Variants in GLIS3 observed in about 807,000 individuals in gnomAD.
The protein encoded by GLIS3 is zinc finger protein GLIS3.
A neutral mutation model predicts 78.6 loss-of-function variants in GLIS3; 53 were observed. The ratio of observed to expected loss-of-function variants is 0.67; its 90% CI spans 0.54 to 0.85. GLIS3 has a LOEUF of 0.85. GLIS3 is among the 40% of genes least tolerant of loss of function. GLIS3 has a pLI of 0.00. For missense variants in GLIS3, 1,703 were observed against 1,231.1 expected (o/e 1.38, Z -5.74); for synonymous variants, 684 against 509.9 (o/e 1.34, Z -4.60).
chr9:4,135,506 A>T (rs1173090577), intron 2 of GLIS3, among the ~76,000 whole-genome samples: 1 of 152,206 alleles, frequency 6.6e-6, no homozygotes, highest in Non-Finnish European at 1.5e-5. Context: ...TTGACAAAGA[A>T]TAATGTCTCT....
chr9:4,332,250 G>C (rs568345279), intron 2 of GLIS3, among the ~76,000 whole-genome samples: 2 of 152,284 alleles, frequency 1.3e-5, no homozygotes, highest in South Asian at 4.1e-4. Context: ...AACATTCACT[G>C]ATAGCGCCTT....
chr9:3,998,736 T>G (rs72685681), intron 4 of GLIS3, among the ~76,000 whole-genome samples: 5,455 of 149,782 alleles, frequency 0.036, 132 homozygotes, highest in Non-Finnish European at 0.06. Flanking sequence ...TTTTTATCCT[T>G]TATGGTTTTA....
At chr9:3,882,057 T>C (rs1311105101) in intron 7 of GLIS3, among the ~76,000 whole-genome samples, 2 of 152,246 alleles carry the variant, frequency 1.3e-5, no homozygotes, top group African/African-American at 4.8e-5. Context: ...TTCTTTTTAT[T>C]CTTCTCTTAG....
intron 2 of GLIS3, among the ~76,000 whole-genome samples, chr9:4,220,705 T>C (rs1587022854): frequency 1.3e-5 from 2 of 150,642 alleles, no homozygotes; most frequent in South Asian, 4.2e-4. Flanking sequence ...GGCCAGCCAG[T>C]GCAACATAAG....
intron 1 of GLIS3, among the ~76,000 whole-genome samples, chr9:4,292,501 ACAGT>A (rs371001969): frequency 1.4e-3 from 210 of 152,304 alleles, no homozygotes; most frequent in African/African-American, 3.1e-3. Context: ...ACAGAGTTGA[ACAGT>A]CAAAGTAAAA....
the GLIS3 span, among the ~76,000 whole-genome samples, chr9:4,478,750 C>G: frequency 3.0e-4 from 46 of 152,174 alleles, 1 homozygote; most frequent in Middle Eastern, 0.021. Flanking sequence ...ATAGTTGATT[C>G]CAGAAAATAT....
At chr9:4,327,082 G>C (rs1043526371) in intron 2 of GLIS3, among the ~76,000 whole-genome samples, 1 of 152,228 alleles carries the variant, frequency 6.6e-6, no homozygotes, top group South Asian at 2.1e-4. Context: ...TGTGATCTGT[G>C]TTAAGGAGGT....
chr9:3,852,092 C>T (rs866692152), intron 9 of GLIS3, among the ~76,000 whole-genome samples: 7 of 151,722 alleles, frequency 4.6e-5, no homozygotes, highest in African/African-American at 1.7e-4. Flanking sequence ...TTGCAGTGAG[C>T]CAAGAACGTG....
At chr9:4,149,865 T>C (rs888618903) in intron 2 of GLIS3, among the ~76,000 whole-genome samples, 3 of 152,230 alleles carry the variant, frequency 2.0e-5, no homozygotes, top group Admixed American at 6.5e-5. Flanking sequence ...ACGATGATGA[T>C]AATGATGGTG....
At chr9:4,296,326 G>A (rs933366566) in intron 1 of GLIS3, among the ~76,000 whole-genome samples, 2 of 151,058 alleles carry the variant, frequency 1.3e-5, no homozygotes, top group Admixed American at 1.3e-4. Context: ...AGAACACTGA[G>A]CTCTCTTCTG....
intron 6 of GLIS3, among the ~76,000 whole-genome samples, chr9:3,909,037 T>C (rs1823943884): frequency 6.6e-6 from 1 of 152,208 alleles, no homozygotes. Context: ...CGCATGTTTA[T>C]GCATCACCTT....
At chr9:4,425,741 T>G in the GLIS3 span, among the ~76,000 whole-genome samples, 1 of 152,216 alleles carries the variant, frequency 6.6e-6, no homozygotes, top group Non-Finnish European at 1.5e-5. Flanking sequence ...TAGTACCACC[T>G]GCTCGGGACT....
In GLIS3 at chr9:4,217,983, T is replaced by A. The variant is rs555935557; in HGVS notation, c.388+68055A>T. Among the ~76,000 whole-genome samples the A allele has an allele frequency of 3.7e-4, 56 of 152,314 alleles. 1 individual carries two copies. The highest frequency in any genetic ancestry group is 2.9e-5 in the Non-Finnish European group (2 of 68,004). On this transcript the variant is annotated intron_variant, in intron 2 of 10. Transcript: ENST00000381971. ...GATTGAAAAGCTCATCAAAATGGAC[T>A]TTTCCTTCTCCCTCCACTCACATTA...
At chr9:4,125,709 G>C (rs768775972) in intron 3 of GLIS3, 25 bp downstream of exon 3, 1 of 1,569,112 alleles carries the variant, frequency 6.4e-7, no homozygotes, top group Non-Finnish European at 8.8e-7. Flanking sequence ...CATAAAGAAA[G>C]GGGAAAAAAA....
chr9:4,366,643 A>C, the GLIS3 span, among the ~76,000 whole-genome samples: 2 of 152,216 alleles, frequency 1.3e-5, no homozygotes, highest in African/African-American at 4.8e-5. Flanking sequence ...TTTGAGCATA[A>C]ATGCTCAAGT....
chr9:4,438,414 C>T, the GLIS3 span, among the ~76,000 whole-genome samples: 3 of 151,944 alleles, frequency 2.0e-5, no homozygotes, highest in Non-Finnish European at 4.4e-5. Context: ...TGTTCATGTC[C>T]CAGAGAAGCT....
In GLIS3 at chr9:3,898,771, T is replaced by A; in HGVS notation, c.2048A>T (p.Gln683Leu). Reference sequence around the variant, plus strand: ...AGCATCTCTAGGGGAAGTGGCCGGCTGCAGGGACTGCACGGTGAGGCAATC... The same window carrying A: ...AGCATCTCTAGGGGAAGTGGCCGGCAGCAGGGACTGCACGGTGAGGCAATC... ...LTDCLTVQSLQPATSPRDAAA... is the reference protein window; with the variant it reads ...LTDCLTVQSLLPATSPRDAAA... Residue 683 changes from glutamine to leucine, a missense_variant, in exon 7 of 11, where the codon CAG becomes CTG. Transcript: ENST00000381971. 1 of 1,614,204 alleles carries A rather than the reference T, an allele frequency of 6.2e-7. No individual in the cohort carries two copies. The highest frequency in any genetic ancestry group is 8.5e-7 in the Non-Finnish European group (1 of 1,180,034).
intron 4 of GLIS3, among the ~76,000 whole-genome samples, chr9:3,960,300 C>T (rs914570992): frequency 5.9e-5 from 9 of 152,190 alleles, no homozygotes; most frequent in African/African-American, 1.9e-4. Flanking sequence ...AAGGATCCCA[C>T]CCTGCTGACT....
At chr9:4,051,124 A>C (rs1825719807) in intron 4 of GLIS3, among the ~76,000 whole-genome samples, 1 of 152,196 alleles carries the variant, frequency 6.6e-6, no homozygotes, top group Admixed American at 6.5e-5. Flanking sequence ...CCAGCCCCTA[A>C]AGAAACTGGG....
Sources: gnomAD v4.1 joint callset for allele counts (sites outside exome capture counted in the v4.1 genomes callset) on GRCh38, gnomAD v4.1.1 for gene constraint, MANE v1.5 for transcripts, NCBI Gene and HGNC (gene_info 2026-07-23, HGNC 2026-07-21) for gene names.